GRIN3A: variants seen among roughly 807,000 people sequenced by gnomAD.
GRIN3A encodes the protein glutamate ionotropic receptor NMDA type subunit 3A, also known as glutamate receptor ionotropic, NMDA 3A.
GRIN3A carries 47 observed loss-of-function variants against 92.4 expected under a neutral mutation model. The observed-to-expected ratio is 0.51, with a 90% confidence interval of 0.40 to 0.65. The LOEUF is 0.65. Ranked by LOEUF, GRIN3A falls within the 30% of genes least tolerant of loss-of-function variation. The probability of loss-of-function intolerance (pLI) is 0.00; values close to 1 mark genes in which losing one functional copy is unlikely to be tolerated. For synonymous variants in GRIN3A, 527 were observed against 540.6 expected (o/e 0.97, Z 0.35); for missense variants, 1,324 against 1,393.1 (o/e 0.95, Z 0.79).
At chr9:101,724,587 A>T (rs1830061532) in intron 1 of GRIN3A, among the ~76,000 whole-genome samples, 1 of 152,180 alleles carries the variant, frequency 6.6e-6, no homozygotes, top group African/African-American at 2.4e-5. Flanking sequence ...GGGCTCCACA[A>T]GTGCCGCCAA....
At chr9:101,677,691 G>A (rs763938878) in intron 2 of GRIN3A, among the ~76,000 whole-genome samples, 7 of 151,986 alleles carry the variant, frequency 4.6e-5, no homozygotes, top group Non-Finnish European at 1.0e-4. Flanking sequence ...CACCAAAGCC[G>A]AGCCCTGTGG....
intron 3 of GRIN3A, among the ~76,000 whole-genome samples, chr9:101,660,458 C>G (rs1350337472): frequency 6.6e-6 from 1 of 151,780 alleles, no homozygotes; most frequent in East Asian, 1.9e-4. Flanking sequence ...ATAATCAAGT[C>G]CATTTACTTA....
chr9:101,663,318 G>C (rs1829199644), intron 3 of GRIN3A, among the ~76,000 whole-genome samples: 1 of 151,800 alleles, frequency 6.6e-6, no homozygotes. Flanking sequence ...TAATTTATGT[G>C]CTCCTTTGAT....
chr9:101,608,533 T>C (rs1301756554), intron 6 of GRIN3A, among the ~76,000 whole-genome samples: 1 of 152,228 alleles, frequency 6.6e-6, no homozygotes, highest in African/African-American at 2.4e-5. Flanking sequence ...TGTTTGAAAT[T>C]GCTGATAAAT....
At position 101,738,172 on chromosome 9, in the gene GRIN3A, G is replaced by T; in HGVS notation, c.-193C>A. On this transcript the variant is annotated 5_prime_UTR_variant, in exon 1 of 9. Transcript: ENST00000361820. ...CGCGCCTCCGGCAGTCTCAGATCCC[G>T]CTCCCAGGTCCCTCCGCCTGGCATC... 1 of 649,180 alleles carries T rather than the reference G, an allele frequency of 1.5e-6. No homozygotes were observed. Among genetic ancestry groups the T allele is most frequent in the Non-Finnish European group, 2.8e-6 (1 of 358,686 alleles). 40.2% of individuals were successfully genotyped at this position (649,180 alleles called of 1,614,324 possible). A position where few individuals can be genotyped will look rare whatever the true frequency, so the allele number is the denominator to read the frequency against.
intron 3 of GRIN3A, among the ~76,000 whole-genome samples, chr9:101,648,778 C>T (rs982227051): frequency 4.6e-5 from 7 of 152,028 alleles, no homozygotes; most frequent in African/African-American, 1.7e-4. Flanking sequence ...CCAAGTTTCA[C>T]AATCCTTGAA....
intron 1 of GRIN3A, among the ~76,000 whole-genome samples, chr9:101,690,969 AAGAT>A (rs1829608936): frequency 6.6e-6 from 1 of 152,162 alleles, no homozygotes; most frequent in Admixed American, 6.5e-5. Flanking sequence ...AAATCATTAA[AAGAT>A]AGACCAAAAG....
chr9:101,738,395 C>T lies in GRIN3A; in HGVS notation c.-416G>A, dbSNP rs917724562. The T allele has an allele frequency of 1.2e-4, 30 of 241,952 alleles. No individual in the cohort carries two copies. The highest frequency in any genetic ancestry group is 5.8e-5 in the Admixed American group (1 of 17,244). 15.0% of individuals were successfully genotyped at this position (241,952 alleles called of 1,614,324 possible). A position where few individuals can be genotyped will look rare whatever the true frequency, so the allele number is the denominator to read the frequency against. On this transcript the variant is annotated 5_prime_UTR_variant, in exon 1 of 9. Coordinates refer to ENST00000361820, the MANE Select transcript of GRIN3A (RefSeq NM_133445.3). ...GTGACAGAGGAGCGACGCGCTCTCG[C>T]CTGGATTCTTTTCCTTTTCTGCCCA...
intron 3 of GRIN3A, 66 bp downstream of exon 3, chr9:101,669,994 G>A: frequency 8.3e-7 from 1 of 1,198,832 alleles, no homozygotes; most frequent in South Asian, 1.2e-5. Flanking sequence ...GCATACTACA[G>A]CAGAAGATAC....
intron 2 of GRIN3A, among the ~76,000 whole-genome samples, chr9:101,673,381 C>T (rs953802564): frequency 6.6e-6 from 1 of 152,034 alleles, no homozygotes; most frequent in Admixed American, 6.6e-5. Context: ...CCAAAGAAGG[C>T]AAATCAATAG....
At chr9:101,721,764 G>T (rs1391213216) in intron 1 of GRIN3A, among the ~76,000 whole-genome samples, 1 of 152,182 alleles carries the variant, frequency 6.6e-6, no homozygotes, top group Admixed American at 6.5e-5. Flanking sequence ...CTTTGAACTT[G>T]AAAGAGATGA....
chr9:101,670,906 T>C lies in GRIN3A; in HGVS notation c.1506A>G (p.Arg502=). 6.2e-7 allele frequency: 1 copy of C among 1,612,266 alleles called. No individual in the cohort carries two copies. Among genetic ancestry groups the C allele is most frequent in the Non-Finnish European group, 8.5e-7 (1 of 1,178,650 alleles). Residue 502 remains arginine (R), a synonymous_variant, in exon 3 of 9, where the codon AGA becomes AGG. Coordinates refer to ENST00000361820, the MANE Select transcript of GRIN3A (RefSeq NM_133445.3). ...TTGGATGTTGGAAGTGGGTTTTGTG[T>C]CTCTGGGCCTGCTCTGGCCATATTC... The part of the protein sequence containing the change: ...DYGIWPEQAQ[R]HKTHFQHPSK...
At chr9:101,600,679 A>C (rs1170734744) in intron 6 of GRIN3A, among the ~76,000 whole-genome samples, 1 of 152,162 alleles carries the variant, frequency 6.6e-6, no homozygotes, top group Non-Finnish European at 1.5e-5. Context: ...GAGGAACAAA[A>C]CAAGTAGGAG....
intron 6 of GRIN3A, among the ~76,000 whole-genome samples, chr9:101,590,377 TTTATTTATTTATTTA>T (rs1394323325): frequency 6.2e-4 from 92 of 148,708 alleles, no homozygotes; most frequent in African/African-American, 2.2e-3. Flanking sequence ...TATTTATTTA[TTTATTTATTTATTTA>T]TTTTTTTGAG....
rs558725885 is a variant in GRIN3A, at chr9:101,641,533, A to T, written c.2353-13132T>A. On this transcript the variant is annotated intron_variant, in intron 3 of 8. Transcript: ENST00000361820. ...TTCTCAGCAAACTATCGCAAGAACA[A>T]AAAACCAAACACTGCATGTTCTCAC... Among the ~76,000 whole-genome samples, 4 of 152,216 alleles carry T rather than the reference A, an allele frequency of 2.6e-5. No homozygotes were observed. The South Asian group carries it at 8.3e-4, about 32-fold the overall frequency.
At chr9:101,589,921 C>G (rs1444017487) in intron 6 of GRIN3A, among the ~76,000 whole-genome samples, 7 of 152,158 alleles carry the variant, frequency 4.6e-5, no homozygotes, top group African/African-American at 1.7e-4. Flanking sequence ...AATTTCATCT[C>G]AATATTTCAG....
At chr9:101,724,248 A>G (rs1442442190) in intron 1 of GRIN3A, among the ~76,000 whole-genome samples, 1 of 152,186 alleles carries the variant, frequency 6.6e-6, no homozygotes, top group Non-Finnish European at 1.5e-5. Flanking sequence ...TGCAGGTCCC[A>G]GGCCCTGCCC....
At chr9:101,676,556 A>AT (rs140145481) in intron 2 of GRIN3A, among the ~76,000 whole-genome samples, 15,325 of 149,538 alleles carry the variant, frequency 0.1, 1,269 homozygotes, top group East Asian at 0.4. Context: ...AGCTCTATCA[A>AT]TTTTTTTTTT....
chr9:101,597,811 A>G (rs895867412), intron 6 of GRIN3A, among the ~76,000 whole-genome samples: 1 of 151,114 alleles, frequency 6.6e-6, no homozygotes, highest in Admixed American at 6.6e-5. Context: ...AAGTTGTAAA[A>G]CTAAATATAG....
Sources: allele counts gnomAD v4.1 joint callset (sites outside exome capture counted in the v4.1 genomes callset), GRCh38; gene constraint gnomAD v4.1.1; transcripts MANE v1.5; gene names NCBI Gene and HGNC (gene_info 2026-07-23, HGNC 2026-07-21).